NAMPT: variants seen among roughly 807,000 people sequenced by gnomAD.
NAMPT encodes the protein NAmPRTase.
In NAMPT, 7 loss-of-function variants were observed where a neutral mutation model predicts 58.7. The observed-to-expected ratio is 0.12, with a 90% CI of 0.07 to 0.22. NAMPT has a LOEUF of 0.22. Ranked by LOEUF, NAMPT falls within the 10% of genes least tolerant of loss-of-function variation. NAMPT has a pLI of 1.00. For synonymous variants in NAMPT, 145 were observed against 198.1 expected, an observed-to-expected ratio of 0.73 and a Z score of 2.25; for missense variants, 271 against 567.9, an observed-to-expected ratio of 0.48 and a Z score of 5.31.
At chr7:106,253,267 A>C in intron 9 of NAMPT, 116 bp from the exon 10 acceptor site, 1 of 1,079,662 alleles carries the variant, frequency 9.3e-7, no homozygotes, top group East Asian at 2.6e-5. Context: ...AGCACTTAAT[A>C]GGTATAACTG....
intron 8 of NAMPT, 99 bp from the exon 9 acceptor site, chr7:106,254,603 A>C (rs1284460888): frequency 7.6e-7 from 1 of 1,321,180 alleles, no homozygotes; most frequent in African/African-American, 1.5e-5. Context: ...AGCATCCAAG[A>C]CTGTTTTATA....
intron 8 of NAMPT, 85 bp downstream of exon 8, chr7:106,261,503 G>A (rs1792300668): frequency 9.1e-7 from 1 of 1,095,604 alleles, no homozygotes; most frequent in Non-Finnish European, 1.3e-6. Flanking sequence ...ACTTAAAATT[G>A]TATTTATATT....
intron 2 of NAMPT, chr7:106,276,662 G>T: frequency 4.8e-6 from 1 of 206,348 alleles, no homozygotes; most frequent in South Asian, 6.9e-5. Flanking sequence ...GACCAACATG[G>T]AGAAAGCCCG....
chr7:106,285,529 G>A, upstream of NAMPT: 1 of 986,018 alleles, frequency 1.0e-6, no homozygotes, highest in Non-Finnish European at 1.2e-6. Flanking sequence ...TCCACCACGC[G>A]CAGTTACTCA....
intron 7 of NAMPT, among the ~76,000 whole-genome samples, chr7:106,262,807 G>A (rs570993534): frequency 3.3e-5 from 5 of 151,926 alleles, no homozygotes; most frequent in East Asian, 1.9e-4. Flanking sequence ...ATTAAATGGC[G>A]TATCTTATGT....
At position 106,283,563 on chromosome 7, in the gene NAMPT, A is replaced by T. The variant is rs141464682; in HGVS notation, c.57+1265T>A. 5.3e-5 allele frequency among the ~76,000 whole-genome samples: 8 copies of T among 152,316 alleles called. No individual in the cohort carries two copies. In the East Asian group the frequency reaches 1.3e-3, roughly 26 times the overall value. ...AAAACACTATGATTGAACCAAGAGA[A>T]CACAAGAGGAGGTTTTAGGACCAAG... On this transcript the variant is annotated intron_variant, in intron 1 of 10. Transcript: ENST00000222553.
chr7:106,255,779 T>A (rs918095697), intron 8 of NAMPT, among the ~76,000 whole-genome samples: 2 of 152,146 alleles, frequency 1.3e-5, no homozygotes, highest in African/African-American at 4.8e-5. Context: ...TTCCTTTAAA[T>A]AATTGTGAAC....
intron 5 of NAMPT, 106 bp downstream of exon 5, chr7:106,269,048 G>A (rs182949211): frequency 1.3e-3 from 1,463 of 1,097,004 alleles, no homozygotes; most frequent in Non-Finnish European, 1.7e-3. Context: ...TGAATCTTTG[G>A]AATTTTAGAA....
At chr7:106,256,784 T>C (rs990313015) in intron 8 of NAMPT, among the ~76,000 whole-genome samples, 11 of 152,230 alleles carry the variant, frequency 7.2e-5, no homozygotes, top group African/African-American at 2.7e-4. Flanking sequence ...CTTAACGTTT[T>C]CAACTTAAAA....
chr7:106,284,898 A>T lies in NAMPT; in HGVS notation c.-14T>A, dbSNP rs2302560. ...CGCAGGATTCATCTCGGGCCGGAGGACAGGGGCCGCGCGCCGCGAGCTCCC... is the reference window on the plus strand; with the variant it reads ...CGCAGGATTCATCTCGGGCCGGAGGTCAGGGGCCGCGCGCCGCGAGCTCCC... On this transcript the variant is annotated 5_prime_UTR_variant, in exon 1 of 11. Coordinates refer to ENST00000222553, the MANE Select transcript of NAMPT (RefSeq NM_005746.3). The T allele has an allele frequency of 3.9e-5, 62 of 1,578,574 alleles. No individual in the cohort carries two copies. In the East Asian group the frequency reaches 1.3e-3, roughly 34 times the overall value.
At chr7:106,251,226 A>G (rs138989379) in intron 10 of NAMPT, 33 bp from the exon 11 acceptor site, 2 of 1,376,394 alleles carry the variant, frequency 1.5e-6, no homozygotes, top group East Asian at 2.3e-5. Context: ...ATTATATTAC[A>G]TTATTAAGCA....
Position 106,248,913 on chromosome 7 carries a change from A to C in NAMPT, c.*2170T>G, listed in dbSNP as rs1792061824. ...CTAAGAGCCAATAGAATTAATCTCC[A>C]TCTCCTGATTTATGGTTGTGAACAA... is the stretch of plus-strand genomic sequence containing the variant. On this transcript the variant is annotated 3_prime_UTR_variant, in exon 11 of 11. Coordinates refer to ENST00000222553, the MANE Select transcript of NAMPT (RefSeq NM_005746.3). 6.6e-6 allele frequency: 1 copy of C among 152,070 alleles called. No individual in the cohort carries two copies. The highest frequency in any genetic ancestry group is 2.4e-5 in the African/African-American group (1 of 41,448). The allele number at this position is 152,070 out of a possible 1,614,324, so 9.4% of individuals were successfully genotyped here.
rs1470497706 is a variant in NAMPT at position 106,248,418 on chromosome 7, TA to T, written c.*2664del. On this transcript the variant is annotated 3_prime_UTR_variant, in exon 11 of 11. Transcript: ENST00000222553. Reference sequence around the variant, plus strand: ...AGCTGACATTCTCCACTGAATGGGTTAAAAAGGAATGTAAAACTACAAAATA... The same window carrying T: ...AGCTGACATTCTCCACTGAATGGGTTAAAAGGAATGTAAAACTACAAAATA... 2.6e-5 allele frequency: 4 copies of T among 152,660 alleles called. No homozygotes were observed. The South Asian group carries it at 6.2e-4, about 24-fold the overall frequency. The allele number at this position is 152,660 out of a possible 1,614,324, so 9.5% of individuals were successfully genotyped here.
chr7:106,276,988 A>G (rs747318418), intron 2 of NAMPT, 35 bp downstream of exon 2: 1 of 1,485,592 alleles, frequency 6.7e-7, no homozygotes, highest in East Asian at 2.3e-5. Flanking sequence ...TAAGAGTAAT[A>G]AGCAGTGTTT....
chr7:106,276,826 G>A lies in NAMPT; in HGVS notation c.214+197C>T, dbSNP rs976276730. The A allele has an allele frequency of 2.3e-4, 108 of 476,392 alleles. 1 individual carries two copies. In the Middle Eastern group the frequency reaches 3.0e-3, roughly 13 times the overall value. 29.5% of individuals were successfully genotyped at this position (476,392 alleles called of 1,614,324 possible). A position where few individuals can be genotyped will look rare whatever the true frequency, so the allele number is the denominator to read the frequency against. ...CATTGCACTCCAGCCTGGCCAACAA[G>A]AGCGAAACTCGGTTTCCAAAAAAAA... On this transcript the variant is annotated intron_variant, in intron 2 of 10. Coordinates refer to ENST00000222553, the MANE Select transcript of NAMPT (RefSeq NM_005746.3).
In NAMPT at chr7:106,266,675, G is replaced by A. The variant is rs140175596; in HGVS notation, c.743+1789C>T. ...TTCTTTCCATTTATTTAGCACCTTG[G>A]TCTGGACTTCATTACCTTAAGACTG... On this transcript the variant is annotated intron_variant, in intron 6 of 10. Transcript: ENST00000222553. Among the ~76,000 whole-genome samples, 219 of 152,174 alleles carry A rather than the reference G, an allele frequency of 1.4e-3. 1 individual carries two copies. Among genetic ancestry groups the A allele is most frequent in the African/African-American group, 5.1e-3 (210 of 41,496 alleles).
At chr7:106,252,572 A>T (rs2115718426) in intron 10 of NAMPT, among the ~76,000 whole-genome samples, 1 of 152,214 alleles carries the variant, frequency 6.6e-6, no homozygotes, top group Admixed American at 6.5e-5. Flanking sequence ...TCACAAATAT[A>T]AATGTACTTT....
At chr7:106,264,687 ACCATT>A (rs1792375866) in intron 6 of NAMPT, among the ~76,000 whole-genome samples, 1 of 152,110 alleles carries the variant, frequency 6.6e-6, no homozygotes. Context: ...TTTGAAAATT[ACCATT>A]TAATTATGCC....
chr7:106,268,268 C>A (rs916861393), intron 6 of NAMPT, 196 bp downstream of exon 6: 12 of 478,034 alleles, frequency 2.5e-5, no homozygotes, highest in African/African-American at 2.2e-4. Context: ...TAAACTGTTT[C>A]TTCTAGCATG....
Sources: gnomAD v4.1 joint callset for allele counts (sites outside exome capture counted in the v4.1 genomes callset) on GRCh38, gnomAD v4.1.1 for gene constraint, MANE v1.5 for transcripts, NCBI Gene and HGNC (gene_info 2026-07-23, HGNC 2026-07-21) for gene names.